The following MAGI3 variants were observed in gnomAD, a reference collection of about 807,000 sequenced individuals.
MAGI3 encodes the protein membrane-associated guanylate kinase, WW and PDZ domain-containing protein 3.
In MAGI3, 43 loss-of-function variants were observed where a neutral mutation model predicts 121.8. That is an observed-to-expected ratio of 0.35 (90% CI 0.28 to 0.46). The LOEUF is 0.46. Among genes scored for constraint, MAGI3 ranks in the 20% least tolerant of loss-of-function variants. The pLI, the probability that MAGI3 is intolerant of heterozygous loss-of-function variation, is 1.00. For missense variants in MAGI3, 1,547 were observed against 1,797.3 expected (o/e 0.86, Z 2.52); for synonymous variants, 553 against 639.3 (o/e 0.86, Z 2.04).
chr1:113,414,755 A>G (rs893304415), intron 1 of MAGI3, among the ~76,000 whole-genome samples: 1 of 152,170 alleles, frequency 6.6e-6, no homozygotes, highest in South Asian at 2.1e-4. Flanking sequence ...AAAATTACAA[A>G]ACATGATATA....
Position 113,663,693 on chromosome 1 carries a change from T to A in MAGI3, c.2815+4428T>A, listed in dbSNP as rs569792839. On this transcript the variant is annotated intron_variant, in intron 16 of 20. Coordinates refer to ENST00000307546, the MANE Select transcript of MAGI3 (RefSeq NM_001142782.2). ...ATAGGTTTTTGTGTTGTTTTATGATTTCATTTTTCTTGGTCGTATACCTAG... is the reference window on the plus strand; with the variant it reads ...ATAGGTTTTTGTGTTGTTTTATGATATCATTTTTCTTGGTCGTATACCTAG... Among the ~76,000 whole-genome samples the A allele has an allele frequency of 3.9e-5, 6 of 152,336 alleles. No homozygotes were observed. In the South Asian group the frequency reaches 1.2e-3, roughly 32 times the overall value.
intron 6 of MAGI3, among the ~76,000 whole-genome samples, chr1:113,596,131 T>C (rs753855804): frequency 2.0e-5 from 3 of 151,158 alleles, no homozygotes; most frequent in African/African-American, 7.3e-5. Context: ...TTGGAAGACA[T>C]AGGGTACCAG....
intron 6 of MAGI3, among the ~76,000 whole-genome samples, chr1:113,602,950 G>T (rs1649497253): frequency 1.3e-5 from 2 of 151,640 alleles, no homozygotes. Context: ...ATCAAAGTGT[G>T]TGTATGTGTA....
At chr1:113,596,722 A>T (rs1192183240) in intron 6 of MAGI3, among the ~76,000 whole-genome samples, 2 of 152,136 alleles carry the variant, frequency 1.3e-5, no homozygotes, top group African/African-American at 4.8e-5. Context: ...AAAGATATTT[A>T]AAATTATTAA....
At chr1:113,520,068 A>T (rs1462640136) in intron 1 of MAGI3, among the ~76,000 whole-genome samples, 2 of 152,232 alleles carry the variant, frequency 1.3e-5, no homozygotes, top group Non-Finnish European at 2.9e-5. Flanking sequence ...GTGGTCATAC[A>T]TCCATGCCTG....
intron 1 of MAGI3, among the ~76,000 whole-genome samples, chr1:113,464,715 T>C (rs1319057565): frequency 1.3e-5 from 2 of 152,170 alleles, no homozygotes; most frequent in African/African-American, 4.8e-5. Flanking sequence ...TGGTATCTCA[T>C]TGTGGTTTTT....
intron 1 of MAGI3, among the ~76,000 whole-genome samples, chr1:113,408,445 T>C (rs1651804168): frequency 2.0e-5 from 3 of 152,176 alleles, no homozygotes; most frequent in Admixed American, 2.0e-4. Flanking sequence ...CCTATGGAAT[T>C]AACTAGCTAG....
At chr1:113,417,727 A>G (rs560709146) in intron 1 of MAGI3, among the ~76,000 whole-genome samples, 12 of 152,046 alleles carry the variant, frequency 7.9e-5, no homozygotes, top group Admixed American at 1.3e-4. Context: ...TTATCACACT[A>G]TTATAACTGA....
intron 1 of MAGI3, among the ~76,000 whole-genome samples, chr1:113,524,705 G>A (rs140745975): frequency 0.023 from 3,517 of 152,242 alleles, 133 homozygotes; most frequent in African/African-American, 0.08. Flanking sequence ...GACTTGCCTT[G>A]TCTCAGTTGA....
intron 3 of MAGI3, 40 bp from the exon 4 acceptor site, chr1:113,585,347 G>T (rs1291095907): frequency 3.8e-6 from 6 of 1,583,798 alleles, no homozygotes; most frequent in Non-Finnish European, 5.2e-6. Context: ...GACTCTCACT[G>T]CAACATTAGT....
rs1177484766 is a variant in MAGI3 at position 113,391,625 on chromosome 1, C to G, written c.316+276C>G. Among the ~76,000 whole-genome samples, 1 of 152,154 alleles carries G rather than the reference C, an allele frequency of 6.6e-6. No individual in the cohort carries two copies. The highest frequency in any genetic ancestry group is 1.5e-5 in the Non-Finnish European group (1 of 68,024). ...GCTGGGTTTCCTACATTTGTAGCTC[C>G]ATCTCCCCCCGCAGACAAGAGTTTT... is the stretch of plus-strand genomic sequence containing the variant. On this transcript the variant is annotated intron_variant, in intron 1 of 20. Coordinates refer to ENST00000307546, the MANE Select transcript of MAGI3 (RefSeq NM_001142782.2). This position sits in a 1 kb window ranked among gnomAD's most constrained non-coding sequence, Gnocchi z 4.4.
intron 7 of MAGI3, among the ~76,000 whole-genome samples, chr1:113,616,761 G>C (rs1323265997): frequency 1.3e-5 from 2 of 151,934 alleles, no homozygotes; most frequent in Non-Finnish European, 2.9e-5. Context: ...TACACATTTT[G>C]GGGGTACGTA....
intron 1 of MAGI3, among the ~76,000 whole-genome samples, chr1:113,543,944 C>T (rs936928865): frequency 7.9e-5 from 12 of 151,342 alleles, no homozygotes; most frequent in Admixed American, 4.6e-4. Flanking sequence ...AAAAACTAAA[C>T]TAAATCAATA....
rs35179918 is a variant in MAGI3, at chr1:113,607,692, A to AT, written c.1019-6903dup. On this transcript the variant is annotated intron_variant, in intron 6 of 20. Coordinates refer to ENST00000307546, the MANE Select transcript of MAGI3 (RefSeq NM_001142782.2). ...ATATTAGAAGAGGGGCAGATGTCAGATTTTTTACTAAAAAGGCTACATGAT... is the reference window on the plus strand; with the variant it reads ...ATATTAGAAGAGGGGCAGATGTCAGATTTTTTTACTAAAAAGGCTACATGAT... Among the ~76,000 whole-genome samples, 674 of 152,228 alleles carry AT rather than the reference A, an allele frequency of 4.4e-3. 7 individuals carry two copies. The highest frequency in any genetic ancestry group is 0.015 in the African/African-American group (633 of 41,546).
chr1:113,402,076 G>T (rs1651438214), intron 1 of MAGI3, among the ~76,000 whole-genome samples: 1 of 152,190 alleles, frequency 6.6e-6, no homozygotes, highest in Non-Finnish European at 1.5e-5. Flanking sequence ...AAGCATGGTA[G>T]AGCAGAGACT....
intron 3 of MAGI3, among the ~76,000 whole-genome samples, chr1:113,581,614 C>T (rs965350727): frequency 6.6e-6 from 1 of 152,096 alleles, no homozygotes; most frequent in African/African-American, 2.4e-5. Context: ...ACTAGAAGAG[C>T]TCATGTGTGG....
In MAGI3 at chr1:113,505,031, T is replaced by C. The variant is rs1242230204; in HGVS notation, c.317-44484T>C. Among the ~76,000 whole-genome samples the C allele has an allele frequency of 5.9e-5, 9 of 152,274 alleles. No homozygotes were observed. In the South Asian group the frequency reaches 1.0e-3, roughly 18 times the overall value. ...GAGTGTGTGAACCTACACATTTATATGTTCATATGGCAGGGCAGTATGTAG... is the reference window on the plus strand; with the variant it reads ...GAGTGTGTGAACCTACACATTTATACGTTCATATGGCAGGGCAGTATGTAG... On this transcript the variant is annotated intron_variant, in intron 1 of 20. Coordinates refer to ENST00000307546, the MANE Select transcript of MAGI3 (RefSeq NM_001142782.2).
intron 1 of MAGI3, among the ~76,000 whole-genome samples, chr1:113,536,583 C>T (rs529396501): frequency 4.0e-5 from 6 of 151,820 alleles, no homozygotes; most frequent in Admixed American, 2.6e-4. Flanking sequence ...GGAGGTAATA[C>T]GTCATGGAAT....
At chr1:113,579,702 A>G (rs1647885015) in intron 2 of MAGI3, among the ~76,000 whole-genome samples, 1 of 152,124 alleles carries the variant, frequency 6.6e-6, no homozygotes, top group South Asian at 2.1e-4. Context: ...TGATTATGGG[A>G]ATGAAAAGAA....
Sources: allele counts gnomAD v4.1 joint callset (sites outside exome capture counted in the v4.1 genomes callset), GRCh38; gene constraint gnomAD v4.1.1; non-coding constraint Gnocchi (gnomAD v3.1); transcripts MANE v1.5; gene names NCBI Gene and HGNC (gene_info 2026-07-23, HGNC 2026-07-21).